The following FILIP1 variants were observed in gnomAD, a reference collection of about 807,000 sequenced individuals.
FILIP1 encodes filamin-A-interacting protein 1.
In FILIP1, 61 loss-of-function variants were observed where a neutral mutation model predicts 102.1. That is an observed-to-expected ratio of 0.60 (90% confidence interval 0.49 to 0.74). The LOEUF (loss-of-function observed/expected upper bound fraction) is 0.74. Among genes scored for constraint, FILIP1 ranks in the 30% least tolerant of loss-of-function variants. The pLI, the probability that FILIP1 is intolerant of heterozygous loss-of-function variation, is 0.00. For missense variants in FILIP1, 1,314 were observed against 1,441.2 expected (o/e 0.91, Z 1.43); for synonymous variants, 491 against 526.9 (o/e 0.93, Z 0.93).
intron 2 of FILIP1, among the ~76,000 whole-genome samples, chr6:75,384,332 C>T (rs1776009418): frequency 1.3e-5 from 2 of 152,154 alleles, no homozygotes; most frequent in South Asian, 4.1e-4. Context: ...ATTTGTCCTG[C>T]TCCTTGCTTT....
At position 75,313,513 on chromosome 6, in the gene FILIP1, G is replaced by A. The variant is rs142709604; in HGVS notation, c.2319C>T (p.Thr773=). The change falls in exon 5 of 6, where the codon ACC becomes ACT. Residue 773 remains threonine, a synonymous_variant. Coordinates refer to ENST00000237172, the MANE Select transcript of FILIP1 (RefSeq NM_015687.5). This position sits in a 1 kb window ranked among gnomAD's most constrained non-coding sequence, Gnocchi z 4.2. ...KNMGQEVLNL[T]KELELSKRYS... ...AGCGCTTGGAAAGCTCCAACTCTTT[G>A]GTCAGATTGAGAACCTCCTGCCCCA... is the stretch of plus-strand genomic sequence containing the variant. The A allele has an allele frequency of 7.2e-5, 116 of 1,614,000 alleles. No individual in the cohort carries two copies. In the African/African-American group the frequency reaches 1.4e-3, roughly 20 times the overall value.
intron 4 of FILIP1, among the ~76,000 whole-genome samples, chr6:75,349,482 T>TTA (rs1369541021): frequency 1.3e-5 from 2 of 152,104 alleles, no homozygotes; most frequent in Non-Finnish European, 2.9e-5. Flanking sequence ...TATCTCAAAC[T>TTA]TCACTTTCTT....
intron 2 of FILIP1, chr6:75,398,156 T>A (rs1355047415): frequency 6.6e-6 from 1 of 152,196 alleles, no homozygotes; most frequent in South Asian, 2.1e-4. Flanking sequence ...TTATGCACTA[T>A]CACAGTGAAA....
intron 4 of FILIP1, among the ~76,000 whole-genome samples, chr6:75,343,344 T>C (rs1774476751): frequency 6.6e-6 from 1 of 152,190 alleles, no homozygotes; most frequent in Non-Finnish European, 1.5e-5. Context: ...ACTAAGATAC[T>C]CTTGGACTCC....
intron 2 of FILIP1, among the ~76,000 whole-genome samples, chr6:75,402,862 A>C (rs1776704299): frequency 6.6e-6 from 1 of 152,172 alleles, no homozygotes; most frequent in South Asian, 2.1e-4. Flanking sequence ...TGTATAATTC[A>C]GTGTTTTGCA....
At chr6:75,365,639 G>A (rs967328201) in intron 2 of FILIP1, among the ~76,000 whole-genome samples, 12 of 152,038 alleles carry the variant, frequency 7.9e-5, no homozygotes, top group East Asian at 1.9e-4. Context: ...TGCCCGCCTC[G>A]GCCTCCCAAA....
intron 2 of FILIP1, among the ~76,000 whole-genome samples, chr6:75,377,956 T>C (rs1357361330): frequency 6.6e-6 from 1 of 152,242 alleles, no homozygotes; most frequent in Non-Finnish European, 1.5e-5. Context: ...TTATTCACAG[T>C]AGTAGTTATG....
Position 75,312,891 on chromosome 6 carries a change from C to A in FILIP1, c.2941G>T (p.Val981Phe). ...TCTCTGGAAAATGTAGTAATTGTGA[C>A]TGGGGACATGGCTCGTTCTGGGCCA... ...TLGPERAMSP[V>F]TITTFSREKT... The change falls in exon 5 of 6, where the codon GTC becomes TTC. Residue 981 changes from valine (V) to phenylalanine (F), a missense_variant. Transcript: ENST00000237172. 1.9e-6 allele frequency: 3 copies of A among 1,614,206 alleles called. No homozygotes were observed. Among genetic ancestry groups the A allele is most frequent in the Non-Finnish European group, 2.5e-6 (3 of 1,180,042 alleles).
At chr6:75,337,980 C>T (rs750510673) in intron 4 of FILIP1, among the ~76,000 whole-genome samples, 19 of 152,144 alleles carry the variant, frequency 1.2e-4, no homozygotes, top group Non-Finnish European at 2.4e-4. Flanking sequence ...ACTAGGTAGT[C>T]TAGAGCATTC....
chr6:75,367,045 G>A (rs531146974), intron 2 of FILIP1, among the ~76,000 whole-genome samples: 33 of 152,052 alleles, frequency 2.2e-4, no homozygotes, highest in African/African-American at 6.8e-4. Flanking sequence ...TTAAAAATAC[G>A]CAAATATTAT....
At position 75,388,723 on chromosome 6, in the gene FILIP1, T is replaced by C. The variant is rs563359875; in HGVS notation, c.277-25806A>G. On this transcript the variant is annotated intron_variant, in intron 2 of 5. Transcript: ENST00000237172. ...AATGCTTGTGATTTTTGCATATTGA[T>C]TTTGTATCTTAGACTTTACTGAAGC... Among the ~76,000 whole-genome samples the C allele has an allele frequency of 1.2e-3, 176 of 152,350 alleles. 2 individuals carry two copies. The highest frequency in any genetic ancestry group is 4.1e-3 in the African/African-American group (172 of 41,582).
chr6:75,475,408 A>C (rs1779446832), intron 1 of FILIP1, among the ~76,000 whole-genome samples: 1 of 152,188 alleles, frequency 6.6e-6, no homozygotes, highest in African/African-American at 2.4e-5. Context: ...ATCAGCTCAC[A>C]GTACTGGTTG....
At chr6:75,482,192 A>T (rs958910192) in intron 1 of FILIP1, among the ~76,000 whole-genome samples, 1 of 152,194 alleles carries the variant, frequency 6.6e-6, no homozygotes, top group Admixed American at 6.5e-5. Flanking sequence ...ATGGTGATGT[A>T]AATAATGGCA....
intron 2 of FILIP1, among the ~76,000 whole-genome samples, chr6:75,367,181 T>C (rs1775366528): frequency 6.6e-6 from 1 of 152,200 alleles, no homozygotes; most frequent in Non-Finnish European, 1.5e-5. Flanking sequence ...ACTGTATTAA[T>C]TGTGATATGC....
intron 4 of FILIP1, among the ~76,000 whole-genome samples, chr6:75,349,931 C>T (rs181562164): frequency 6.6e-6 from 1 of 152,256 alleles, no homozygotes; most frequent in Admixed American, 6.5e-5. Flanking sequence ...GAGGATTTAA[C>T]CCAAAGCAGA....
chr6:75,422,399 C>T (rs1777497223), intron 1 of FILIP1, among the ~76,000 whole-genome samples: 1 of 151,934 alleles, frequency 6.6e-6, no homozygotes, highest in South Asian at 2.1e-4. Flanking sequence ...TTAGTAATAC[C>T]ATCTGGCCTC....
At chr6:75,305,289 A>T (rs1383107485), downstream of FILIP1, among the ~76,000 whole-genome samples, 1 of 152,210 alleles carries the variant, frequency 6.6e-6, no homozygotes, top group Non-Finnish European at 1.5e-5. Context: ...CCCAACAAGG[A>T]AAGTCTCACC....
intron 1 of FILIP1, among the ~76,000 whole-genome samples, chr6:75,463,041 T>C (rs1005885738): frequency 2.6e-5 from 4 of 152,160 alleles, no homozygotes; most frequent in Admixed American, 2.0e-4. Flanking sequence ...ATGAGCACAA[T>C]ATATGCAAGA....
intron 2 of FILIP1, among the ~76,000 whole-genome samples, chr6:75,395,530 G>A (rs988478413): frequency 6.6e-6 from 1 of 152,108 alleles, no homozygotes; most frequent in South Asian, 2.1e-4. Flanking sequence ...CATCCTCCTC[G>A]ACTTCCCAAA....
Sources: gnomAD v4.1 joint callset for allele counts (sites outside exome capture counted in the v4.1 genomes callset) on GRCh38, gnomAD v4.1.1 for gene constraint, Gnocchi (gnomAD v3.1) non-coding constraint, MANE v1.5 for transcripts, NCBI Gene and HGNC (gene_info 2026-07-23, HGNC 2026-07-21) for gene names.